Variants in TASOR2 observed in about 807,000 individuals in gnomAD.
TASOR2 encodes the protein transcription activation suppressor family member 2.
Under a neutral mutation model 199.5 loss-of-function variants are expected in TASOR2, and 84 were observed. The ratio of observed to expected loss-of-function variants is 0.42; its 90% CI spans 0.35 to 0.50. The LOEUF is 0.50. TASOR2 is among the 20% of genes least tolerant of loss of function. TASOR2 has a pLI of 0.02. For synonymous variants in TASOR2, 1,103 were observed against 1,046.6 expected (o/e 1.05, Z -1.04); for missense variants, 2,796 against 2,835.9 (o/e 0.99, Z 0.32).
intron 12 of TASOR2, among the ~76,000 whole-genome samples, chr10:5,735,760 C>T (rs1289518892): frequency 2.0e-5 from 3 of 152,066 alleles, no homozygotes; most frequent in Non-Finnish European, 4.4e-5. Context: ...AAACATAGAG[C>T]CTACTTTTTA....
In TASOR2 at chr10:5,720,977, A is replaced by G. The variant is rs749841163; in HGVS notation, c.146+7A>G. ...CAATGATTCCAACACAGCTGTAAGT[A>G]TTAAATGTTATGTCCTTTACTAATG... On this transcript the variant is annotated splice_region_variant and intron_variant, in intron 6 of 20. Coordinates refer to ENST00000328090, the Ensembl canonical transcript of TASOR2. The surrounding 1 kb of genome is among the most constrained non-coding windows in gnomAD (Gnocchi z 5.3). 3 of 1,595,436 alleles carry G rather than the reference A, an allele frequency of 1.9e-6. No homozygotes were observed. The African/African-American group carries it at 4.0e-5, about 22-fold the overall frequency.
intron 1 of TASOR2, among the ~76,000 whole-genome samples, chr10:5,709,265 A>G (rs1439483675): frequency 6.6e-6 from 1 of 152,176 alleles, no homozygotes; most frequent in Non-Finnish European, 1.5e-5. Context: ...TTTTTCAGTA[A>G]GGCAAAAGCG....
intron 1 of TASOR2, 31 bp from the exon 2 acceptor site, chr10:5,712,792 C>T (rs965868823): frequency 8.0e-5 from 85 of 1,068,764 alleles, no homozygotes; most frequent in Middle Eastern, 6.9e-4. Flanking sequence ...ATGTTTATAG[C>T]GTTTGGTTAT....
intron 2 of TASOR2, among the ~76,000 whole-genome samples, 196 bp from the exon 4 acceptor site, chr10:5,717,463 A>T (rs1169277089): frequency 2.0e-5 from 3 of 152,036 alleles, no homozygotes; most frequent in Non-Finnish European, 2.9e-5. Flanking sequence ...TTATGTTTCG[A>T]AAGAGTTGCC....
chr10:5,743,268 G>A (rs944775949), intron 14 of TASOR2, among the ~76,000 whole-genome samples: 7 of 152,162 alleles, frequency 4.6e-5, no homozygotes, highest in Non-Finnish European at 8.8e-5. Context: ...TCCTATACCC[G>A]GGGTCACCGG....
chr10:5,691,460 G>C (rs1431751594), intron 1 of TASOR2, among the ~76,000 whole-genome samples: 1 of 152,004 alleles, frequency 6.6e-6, no homozygotes, highest in Admixed American at 6.6e-5. Flanking sequence ...CTCAAGGGGT[G>C]TAATTCCAAA....
chr10:5,694,222 G>A (rs759648474), intron 1 of TASOR2, among the ~76,000 whole-genome samples: 1 of 152,222 alleles, frequency 6.6e-6, no homozygotes, highest in Non-Finnish European at 1.5e-5. Flanking sequence ...AGCAAGATGA[G>A]GTATAGGAAA....
chr10:5,754,155 A>G lies in TASOR2; in HGVS notation c.6607-2458A>G, dbSNP rs1361083597. ...CCCCGTCTCTACTAAAAATAAAAAA[A>G]TTAGCCGGGTGTGGCGGCGCGCGCT... is the stretch of plus-strand genomic sequence containing the variant. On this transcript the variant is annotated intron_variant, in intron 15 of 20. Coordinates refer to ENST00000328090, the Ensembl canonical transcript of TASOR2. The surrounding 1 kb of genome is among the most constrained non-coding windows in gnomAD (Gnocchi z 4.3). Among the ~76,000 whole-genome samples the G allele has an allele frequency of 6.6e-6, 1 of 152,112 alleles. No individual in the cohort carries two copies. The highest frequency in any genetic ancestry group is 1.9e-4 in the East Asian group (1 of 5,168).
chr10:5,692,036 G>A (rs936588003), intron 1 of TASOR2, among the ~76,000 whole-genome samples: 3 of 151,768 alleles, frequency 2.0e-5, no homozygotes, highest in Non-Finnish European at 4.4e-5. Flanking sequence ...TTAGCTAGGC[G>A]TGGCGGCCCA....
At chr10:5,747,700 C>T (rs752347398) in exon 15 of TASOR2, 4 of 1,614,146 alleles carry the variant, frequency 2.5e-6, no homozygotes, top group Non-Finnish European at 3.4e-6. Context: ...CATTTTAAAA[C>T]TTCATGGTAC....
At position 5,730,712 on chromosome 10, in the gene TASOR2, A is replaced by G; in HGVS notation, c.713A>G (p.Lys238Arg). ...ATGAAAGACCCTACATTCTTGGGGA[A>G]ACTGCCCAGTGGTTTTGACTTGATT... The change falls in exon 11 of 21, where the codon AAA becomes AGA. Residue 238 changes from lysine (K) to arginine (R), a missense_variant. This residue lies in a region of TASOR2 where 847 missense variants were observed against 887.4 expected (regional missense o/e 0.95). Coordinates refer to ENST00000328090, the Ensembl canonical transcript of TASOR2. This position sits in a 1 kb window ranked among gnomAD's most constrained non-coding sequence, Gnocchi z 4.1. The G allele has an allele frequency of 6.2e-7, 1 of 1,614,188 alleles. No homozygotes were observed. The highest frequency in any genetic ancestry group is 8.5e-7 in the Non-Finnish European group (1 of 1,180,032).
intron 1 of TASOR2, among the ~76,000 whole-genome samples, chr10:5,702,220 A>G (rs374156087): frequency 6.8e-4 from 104 of 152,256 alleles, no homozygotes; most frequent in Middle Eastern, 3.4e-3. Flanking sequence ...TGAAGTAATC[A>G]TGGTTTTTGT....
exon 2 of TASOR2, chr10:5,712,854 G>A: frequency 8.1e-7 from 1 of 1,231,176 alleles, no homozygotes; most frequent in Non-Finnish European, 1.0e-6. Flanking sequence ...AAAAAAGCAA[G>A]TAGTTATACT....
rs1429407960 is a variant in TASOR2, at chr10:5,737,421, A to T, written c.1447+1875A>T. Among the ~76,000 whole-genome samples, 1 of 151,108 alleles carries T rather than the reference A, an allele frequency of 6.6e-6. No homozygotes were observed. Among genetic ancestry groups the T allele is most frequent in the Non-Finnish European group, 1.5e-5 (1 of 67,892 alleles). The stretch of plus-strand genomic sequence containing the variant: ...ATGCTGCAGTTTTGGCTTCCATACC[A>T]GATTTGAGCTCTTCTGCTTGTCCCT... On this transcript the variant is annotated intron_variant, in intron 12 of 20. Transcript: ENST00000328090. This position sits in a 1 kb window ranked among gnomAD's most constrained non-coding sequence, Gnocchi z 4.9.
rs555415808 is a variant in TASOR2 at position 5,762,543 on chromosome 10, A to G, written c.7186A>G (p.Ile2396Val). The G allele has an allele frequency of 6.0e-6, 6 of 997,706 alleles. No individual in the cohort carries two copies. The Admixed American group carries it at 9.1e-5, about 15-fold the overall frequency. 61.8% of individuals were successfully genotyped at this position (997,706 alleles called of 1,614,324 possible). A position where few individuals can be genotyped will look rare whatever the true frequency, so the allele number is the denominator to read the frequency against. Residue 2396 changes from isoleucine (I) to valine (V), a missense_variant, in exon 20 of 21, where the codon ATC (isoleucine) becomes GTC (valine). Around this residue, in one of 3 missense-constraint regions of TASOR2, gnomAD observed 1,941 missense variants for 1,924.9 expected, o/e 1.01. Coordinates refer to ENST00000328090, the Ensembl canonical transcript of TASOR2. Reference sequence around the variant, plus strand: ...TTTTTTTTTAACAGACAAGCCTACTATCCCCAGAGAAGTCTTTGAAAATAG... The same window carrying G: ...TTTTTTTTTAACAGACAAGCCTACTGTCCCCAGAGAAGTCTTTGAAAATAG...
At chr10:5,691,338 G>T (rs1836405978) in intron 1 of TASOR2, among the ~76,000 whole-genome samples, 1 of 152,112 alleles carries the variant, frequency 6.6e-6, no homozygotes, top group Admixed American at 6.5e-5. Context: ...TTTTGTGGTA[G>T]ACTGGATTTT....
intron 3 of TASOR2, among the ~76,000 whole-genome samples, chr10:5,718,980 A>G (rs1012348088): frequency 2.0e-5 from 3 of 152,080 alleles, no homozygotes; most frequent in Non-Finnish European, 2.9e-5. Flanking sequence ...TGTGCTCTCA[A>G]TCTTCATTTT....
chr10:5,762,755 C>T, intron 20 of TASOR2, 109 bp downstream of exon 21: 2 of 712,570 alleles, frequency 2.8e-6, no homozygotes, highest in Non-Finnish European at 2.4e-6. Context: ...TTACATACTT[C>T]ATGCTATAAA....
intron 19 of TASOR2, 139 bp from the exon 21 acceptor site, chr10:5,762,393 T>C: frequency 2.6e-6 from 1 of 381,910 alleles, no homozygotes; most frequent in Non-Finnish European, 4.7e-6. Context: ...TTTTCTTAAT[T>C]TGGAACCCAA....
Sources: allele counts gnomAD v4.1 joint callset (sites outside exome capture counted in the v4.1 genomes callset), GRCh38; gene constraint gnomAD v4.1.1; regional missense constraint gnomAD v4.1.1; non-coding constraint Gnocchi (gnomAD v3.1); transcripts MANE v1.5; gene names NCBI Gene and HGNC (gene_info 2026-07-23, HGNC 2026-07-21).